Variants in TRMT2B observed in about 807,000 individuals in gnomAD.
TRMT2B encodes the protein tRNA methyltransferase 2B.
TRMT2B carries 34 observed loss-of-function variants against 39.7 expected under a neutral mutation model. The observed-to-expected ratio is 0.86, with a 90% CI of 0.65 to 1.14. The LOEUF (loss-of-function observed/expected upper bound fraction) is 1.14, where lower values mean the gene tolerates loss of function less well. Ranked by LOEUF, TRMT2B falls within the 50% of genes most tolerant of loss-of-function variation. The probability of loss-of-function intolerance (pLI) is 0.00; values close to 1 mark genes in which losing one functional copy is unlikely to be tolerated. For synonymous variants in TRMT2B, 132 were observed against 137.3 expected (o/e 0.96, Z 0.27); for missense variants, 318 against 377.2 (o/e 0.84, Z 1.30).
In TRMT2B at chrX:101,051,410, G is replaced by A. The variant is rs768133505; in HGVS notation, c.-183C>T. ...TGGGTTGACTGCTGTGTCGTGTCCC[G>A]AATGCAGCCCACAGGCAGTCAGGTC... is the stretch of plus-strand genomic sequence containing the variant. On this transcript the variant is annotated 5_prime_UTR_variant, in exon 2 of 14. Coordinates refer to ENST00000372936, the MANE Select transcript of TRMT2B (RefSeq NM_024917.6). 1 of 754,396 alleles carries A rather than the reference G, an allele frequency of 1.3e-6. No homozygotes were observed. Among genetic ancestry groups the A allele is most frequent in the Non-Finnish European group, 1.6e-6 (1 of 639,412 alleles). 62.2% of individuals were successfully genotyped at this position (754,396 alleles called of 1,213,427 possible). A position where few individuals can be genotyped will look rare whatever the true frequency, so the allele number is the denominator to read the frequency against.
At chrX:100,988,524 T>TC in the TRMT2B span, 2 of 1,136,374 alleles carry the variant, frequency 1.8e-6, no homozygotes, top group Non-Finnish European at 2.3e-6. Flanking sequence ...GCTTATAGAC[T>TC]CCAGCTCCAT....
intron 7 of TRMT2B, among the ~76,000 whole-genome samples, chrX:101,027,381 G>A (rs1056131407): frequency 7.5e-5 from 8 of 106,940 alleles, no homozygotes; most frequent in African/African-American, 2.4e-4. Flanking sequence ...ACAGGCGCAC[G>A]CCAACAAGCC....
chrX:100,980,828 G>A, the TRMT2B span, among the ~76,000 whole-genome samples: 2 of 111,300 alleles, frequency 1.8e-5, no homozygotes, highest in Non-Finnish European at 3.8e-5. Flanking sequence ...GTCAAGACTG[G>A]GTCCTTCCTT....
At chrX:101,048,107 TACACATACACACAC>T (rs1452550065) in intron 2 of TRMT2B, among the ~76,000 whole-genome samples, 81 of 53,203 alleles carry the variant, frequency 1.5e-3, no homozygotes, top group African/African-American at 6.5e-3. Flanking sequence ...TTTACATTTA[TACACATACACACAC>T]ACACACACAC....
the TRMT2B span, among the ~76,000 whole-genome samples, chrX:100,982,312 G>A: frequency 3.8e-5 from 4 of 106,145 alleles, no homozygotes; most frequent in South Asian, 1.8e-3. Flanking sequence ...CCAACATGGT[G>A]AAACCCCCGT....
At chrX:100,980,502 C>A in the TRMT2B span, among the ~76,000 whole-genome samples, 1 of 109,418 alleles carries the variant, frequency 9.1e-6, no homozygotes, top group Non-Finnish European at 1.9e-5. Context: ...TCCTTTCTGG[C>A]CCAAGATGAG....
rs1323734142 is a variant in TRMT2B at position 101,051,883 on chromosome X, T to G, written c.-573A>C. ...CTGCGGCGGGGAAACAGTCACTTCC[T>G]GGTGCGCAAGGCGCCTCTACTCCCG... On this transcript the variant is annotated 5_prime_UTR_variant, in exon 1 of 14. Transcript: ENST00000372936. 1 of 199,003 alleles carries G rather than the reference T, an allele frequency of 5.0e-6. No individual in the cohort carries two copies. The highest frequency in any genetic ancestry group is 7.5e-6 in the Non-Finnish European group (1 of 132,550). The allele number at this position is 199,003 out of a possible 1,213,427, so 16.4% of individuals were successfully genotyped here. A position where few individuals can be genotyped will look rare whatever the true frequency, so the allele number is the denominator to read the frequency against.
chrX:101,030,543 C>T (rs1455346657), intron 7 of TRMT2B, among the ~76,000 whole-genome samples: 4 of 102,536 alleles, frequency 3.9e-5, no homozygotes, highest in African/African-American at 1.5e-4. Flanking sequence ...CTCCGCCTCC[C>T]GGGTTCAAGC....
chrX:101,020,675 T>A (rs1230264273), intron 10 of TRMT2B, 87 bp from the exon 11 acceptor site: 2 of 743,804 alleles, frequency 2.7e-6, no homozygotes, highest in African/African-American at 2.1e-5. Flanking sequence ...TAGTTTAGTT[T>A]GTTTGTTTGT....
At chrX:101,035,072 C>T (rs745320316) in intron 7 of TRMT2B, among the ~76,000 whole-genome samples, 88 of 111,107 alleles carry the variant, frequency 7.9e-4, no homozygotes, top group Non-Finnish European at 1.4e-3. Flanking sequence ...AGGTCAGGCA[C>T]GGTAGCTCAT....
intron 13 of TRMT2B, among the ~76,000 whole-genome samples, chrX:101,011,428 C>G (rs1177008637): frequency 9.0e-6 from 1 of 111,198 alleles, no homozygotes; most frequent in African/African-American, 3.3e-5. Flanking sequence ...CCCATCTCTA[C>G]AAAATTCTAA....
At chrX:101,033,254 G>A (rs1289432938) in intron 7 of TRMT2B, among the ~76,000 whole-genome samples, 49 of 92,568 alleles carry the variant, frequency 5.3e-4, no homozygotes, top group Non-Finnish European at 1.0e-3. Flanking sequence ...AAAACTCCAA[G>A]TCAAAAAAAA....
chrX:100,975,057 G>A, the TRMT2B span, among the ~76,000 whole-genome samples: 1 of 111,468 alleles, frequency 9.0e-6, no homozygotes, highest in South Asian at 3.8e-4. Flanking sequence ...TACCAGAAAG[G>A]ACTTAATATA....
At chrX:100,987,666 A>G in the TRMT2B span, 1 of 886,640 alleles carries the variant, frequency 1.1e-6, no homozygotes, top group African/African-American at 2.0e-5. Flanking sequence ...GCATTGAGCA[A>G]GTCTCTTGAT....
chrX:101,003,003 C>A, the TRMT2B span, among the ~76,000 whole-genome samples: 1 of 109,555 alleles, frequency 9.1e-6, no homozygotes, highest in Non-Finnish European at 1.9e-5. Context: ...CAGCCTCTAC[C>A]TCTCAGGCTC....
the TRMT2B span, among the ~76,000 whole-genome samples, chrX:100,991,666 G>A: frequency 2.2e-4 from 25 of 111,949 alleles, no homozygotes; most frequent in Non-Finnish European, 3.8e-4. Context: ...GAGCCACCGC[G>A]CCCGGCCCAC....
intron 13 of TRMT2B, among the ~76,000 whole-genome samples, chrX:101,016,668 C>T (rs1328550387): frequency 1.6e-5 from 1 of 61,673 alleles, no homozygotes; most frequent in African/African-American, 7.6e-5. Flanking sequence ...TTTTTTGAGA[C>T]GGAGTTTCAC....
chrX:101,049,818 T>C (rs1366647253), intron 2 of TRMT2B, among the ~76,000 whole-genome samples: 1 of 106,524 alleles, frequency 9.4e-6, no homozygotes, highest in Admixed American at 1.0e-4. Context: ...CCTGTGAGAA[T>C]GTACGTATTC....
chrX:101,029,232 T>C (rs192728306), intron 7 of TRMT2B, among the ~76,000 whole-genome samples: 8 of 111,106 alleles, frequency 7.2e-5, no homozygotes, highest in African/African-American at 2.6e-4. Flanking sequence ...GACCTTTGCA[T>C]GGCTAACACC....
Sources: gnomAD v4.1 joint callset for allele counts (sites outside exome capture counted in the v4.1 genomes callset) on GRCh38, gnomAD v4.1.1 for gene constraint, MANE v1.5 for transcripts, NCBI Gene and HGNC (gene_info 2026-07-23, HGNC 2026-07-21) for gene names.